GRID1: variants seen among roughly 807,000 people sequenced by gnomAD.
GRID1 encodes glutamate receptor ionotropic, delta-1.
GRID1 carries 28 observed loss-of-function variants against 98.0 expected under a neutral mutation model. That is an observed-to-expected ratio of 0.29 (90% confidence interval 0.21 to 0.39). The LOEUF is 0.39. Among genes scored for constraint, GRID1 ranks in the 10% least tolerant of loss-of-function variants. The pLI is 1.00. For missense variants in GRID1, 1,111 were observed against 1,340.5 expected (o/e 0.83, Z 2.67); for synonymous variants, 553 against 538.5 (o/e 1.03, Z -0.37).
intron 2 of GRID1, among the ~76,000 whole-genome samples, chr10:86,299,969 C>T (rs1847658053): frequency 1.3e-5 from 2 of 152,174 alleles, no homozygotes; most frequent in African/African-American, 2.4e-5. Flanking sequence ...AAAGTCACAT[C>T]CACCCCAACC....
intron 8 of GRID1, among the ~76,000 whole-genome samples, chr10:85,743,105 G>GCCCCCCCCCCCCC (rs4031782): frequency 2.8e-4 from 23 of 82,672 alleles, no homozygotes; most frequent in Non-Finnish European, 3.9e-4. Context: ...GAATTATGCA[G>GCCCCCCCCCCCCC]CCCCCCCCCC....
At chr10:85,876,474 C>T (rs1005339685) in intron 5 of GRID1, among the ~76,000 whole-genome samples, 3 of 152,146 alleles carry the variant, frequency 2.0e-5, no homozygotes, top group African/African-American at 7.2e-5. Context: ...AAGATAATCG[C>T]CCCATCTCAA....
At chr10:85,670,733 C>T (rs916532797) in intron 12 of GRID1, among the ~76,000 whole-genome samples, 1 of 152,162 alleles carries the variant, frequency 6.6e-6, no homozygotes, top group African/African-American at 2.4e-5. Flanking sequence ...CACTAGACTA[C>T]ACAGACCACC....
intron 5 of GRID1, among the ~76,000 whole-genome samples, chr10:85,905,173 A>C (rs1156789627): frequency 1.3e-5 from 2 of 152,142 alleles, no homozygotes; most frequent in Non-Finnish European, 2.9e-5. Context: ...AAAAGTAAGG[A>C]CAATATCAGA....
chr10:85,888,667 G>A (rs1841151818), intron 5 of GRID1, among the ~76,000 whole-genome samples: 1 of 152,170 alleles, frequency 6.6e-6, no homozygotes, highest in African/African-American at 2.4e-5. Context: ...TGGGCTGTCT[G>A]TGAGATTTAT....
At chr10:85,817,701 G>A (rs1001464869) in intron 8 of GRID1, among the ~76,000 whole-genome samples, 8 of 152,130 alleles carry the variant, frequency 5.3e-5, no homozygotes, top group Non-Finnish European at 1.0e-4. Flanking sequence ...AGACCAGCCT[G>A]GCCAACATGG....
intron 4 of GRID1, among the ~76,000 whole-genome samples, chr10:85,994,741 C>T (rs1426417227): frequency 6.6e-6 from 1 of 152,198 alleles, no homozygotes; most frequent in Non-Finnish European, 1.5e-5. Flanking sequence ...TCATCTCCAG[C>T]TGTCAGAAAA....
At chr10:86,023,291 C>T (rs1222034029) in intron 4 of GRID1, among the ~76,000 whole-genome samples, 2 of 152,232 alleles carry the variant, frequency 1.3e-5, no homozygotes, top group African/African-American at 4.8e-5. Context: ...ACAGTCATCA[C>T]TGCAATCCAC....
chr10:86,156,776 C>T (rs145076077), intron 3 of GRID1, among the ~76,000 whole-genome samples: 60 of 152,326 alleles, frequency 3.9e-4, no homozygotes, highest in African/African-American at 1.2e-3. Context: ...GGTGATCTCA[C>T]GTCTCAAAGG....
chr10:85,745,723 T>TAA (rs143199820), intron 8 of GRID1, among the ~76,000 whole-genome samples: 1 of 131,436 alleles, frequency 7.6e-6, no homozygotes, highest in Non-Finnish European at 1.7e-5. Context: ...AAAGTATAAT[T>TAA]AAAAAAAAAA....
At chr10:85,693,396 T>C (rs1841355005) in intron 12 of GRID1, among the ~76,000 whole-genome samples, 1 of 152,156 alleles carries the variant, frequency 6.6e-6, no homozygotes, top group Non-Finnish European at 1.5e-5. Flanking sequence ...ATATATGTCA[T>C]TATATATTTA....
At chr10:86,228,909 G>T (rs1846402589) in intron 2 of GRID1, among the ~76,000 whole-genome samples, 1 of 152,146 alleles carries the variant, frequency 6.6e-6, no homozygotes, top group African/African-American at 2.4e-5. Flanking sequence ...CACCAAAGAG[G>T]CAACAGCAGA....
At chr10:85,885,953 G>A (rs1438145095) in intron 5 of GRID1, among the ~76,000 whole-genome samples, 1 of 152,190 alleles carries the variant, frequency 6.6e-6, no homozygotes, top group Non-Finnish European at 1.5e-5. Context: ...AGCAGATCTG[G>A]TGCCTGCCTG....
chr10:86,123,160 G>T (rs1056776546), intron 4 of GRID1, among the ~76,000 whole-genome samples: 4 of 152,170 alleles, frequency 2.6e-5, no homozygotes, highest in African/African-American at 9.7e-5. Context: ...TGGAATGAAC[G>T]GTGGGGAGGA....
At chr10:85,788,898 G>A (rs1010724687) in intron 8 of GRID1, among the ~76,000 whole-genome samples, 1 of 152,168 alleles carries the variant, frequency 6.6e-6, no homozygotes, top group African/African-American at 2.4e-5. Flanking sequence ...TAGAGAACTC[G>A]GGGTCAGTGG....
At chr10:86,111,911 C>T (rs1844492605) in intron 4 of GRID1, among the ~76,000 whole-genome samples, 1 of 152,226 alleles carries the variant, frequency 6.6e-6, no homozygotes, top group Non-Finnish European at 1.5e-5. Context: ...ATACTACAGA[C>T]GTTGTCTTTT....
chr10:85,688,359 G>T (rs1373711828), intron 12 of GRID1, among the ~76,000 whole-genome samples: 1 of 152,184 alleles, frequency 6.6e-6, no homozygotes, highest in Non-Finnish European at 1.5e-5. Flanking sequence ...AAGATACTCA[G>T]AAGGTATTGG....
chr10:86,145,288 T>C (rs1226561822), intron 3 of GRID1, among the ~76,000 whole-genome samples: 1 of 152,126 alleles, frequency 6.6e-6, no homozygotes, highest in African/African-American at 2.4e-5. Context: ...AGTGGCATGA[T>C]CTCAGCTCAC....
At chr10:86,157,723 G>A (rs115944727) in intron 3 of GRID1, among the ~76,000 whole-genome samples, 1,610 of 152,284 alleles carry the variant, frequency 0.011, 29 homozygotes, top group African/African-American at 0.037. Flanking sequence ...TCCAGGGAGT[G>A]ACAGTGAGGT....
Sources: gnomAD v4.1 joint callset for allele counts (sites outside exome capture counted in the v4.1 genomes callset) on GRCh38, gnomAD v4.1.1 for gene constraint, MANE v1.5 for transcripts, NCBI Gene and HGNC (gene_info 2026-07-23, HGNC 2026-07-21) for gene names.